The following ULK4 variants were observed in gnomAD, a reference collection of about 807,000 sequenced individuals.
ULK4 encodes unc-51 like kinase 4, also known as inactive serine/threonine-protein kinase ULK4.
In ULK4, 133 loss-of-function variants were observed where a neutral mutation model predicts 160.6. The observed-to-expected ratio is 0.83, with a 90% CI of 0.72 to 0.96. The LOEUF is 0.96. ULK4 is among the 40% of genes least tolerant of loss of function. ULK4 has a pLI of 0.00. For missense variants in ULK4, 1,580 were observed against 1,499.5 expected (o/e 1.05, Z -0.89); for synonymous variants, 534 against 539.8 (o/e 0.99, Z 0.15).
intron 30 of ULK4, among the ~76,000 whole-genome samples, chr3:41,624,349 G>C (rs932837519): frequency 6.6e-6 from 1 of 152,136 alleles, no homozygotes; most frequent in Non-Finnish European, 1.5e-5. Context: ...TAAATGCCAC[G>C]ACTTCTCCAA....
At chr3:41,404,230 T>A (rs2082248359) in intron 34 of ULK4, among the ~76,000 whole-genome samples, 1 of 150,636 alleles carries the variant, frequency 6.6e-6, no homozygotes, top group South Asian at 2.1e-4. Context: ...TCTATCATTT[T>A]TTTTTTTTTT....
chr3:41,703,162 G>C (rs1483629053), intron 27 of ULK4, among the ~76,000 whole-genome samples: 1 of 151,948 alleles, frequency 6.6e-6, no homozygotes, highest in African/African-American at 2.4e-5. Flanking sequence ...CCAACGACAA[G>C]ATGTGAACAA....
intron 35 of ULK4, among the ~76,000 whole-genome samples, chr3:41,314,742 T>C (rs972671533): frequency 3.9e-5 from 6 of 152,110 alleles, no homozygotes; most frequent in Admixed American, 2.6e-4. Context: ...GTTGAAAAAT[T>C]TGGTGATGGT....
intron 30 of ULK4, among the ~76,000 whole-genome samples, chr3:41,655,293 C>T (rs1014421903): frequency 2.7e-5 from 4 of 148,200 alleles, no homozygotes; most frequent in East Asian, 2.0e-4. Context: ...AACCAAACAC[C>T]GCACGTTCTC....
intron 31 of ULK4, among the ~76,000 whole-genome samples, chr3:41,581,625 C>T (rs1223066843): frequency 6.6e-6 from 1 of 152,208 alleles, no homozygotes; most frequent in African/African-American, 2.4e-5. Flanking sequence ...ATATGAACAG[C>T]AGGCTAGGCC....
chr3:41,495,804 C>T (rs4973956), intron 32 of ULK4, among the ~76,000 whole-genome samples: 61,346 of 150,250 alleles, frequency 0.41, 12,709 homozygotes, highest in African/African-American at 0.44. Context: ...AAGACATTTA[C>T]GCAGCCAAAA....
intron 35 of ULK4, among the ~76,000 whole-genome samples, chr3:41,253,377 G>A (rs1370953951): frequency 6.6e-6 from 1 of 151,908 alleles, no homozygotes; most frequent in Non-Finnish European, 1.5e-5. Flanking sequence ...TAAGATGGGG[G>A]AGAGCAAAGG....
At chr3:41,405,555 T>C (rs1447672237) in intron 34 of ULK4, among the ~76,000 whole-genome samples, 1 of 152,172 alleles carries the variant, frequency 6.6e-6, no homozygotes, top group Non-Finnish European at 1.5e-5. Flanking sequence ...CCAAATGGCT[T>C]TCCACAATGG....
chr3:41,900,865 G>A (rs781470700), intron 12 of ULK4, 36 bp from the exon 13 acceptor site: 14 of 1,475,296 alleles, frequency 9.5e-6, no homozygotes, highest in Admixed American at 6.7e-5. Flanking sequence ...TTGTTTCTGC[G>A]ACTAATGTAG....
At chr3:41,477,490 G>T (rs2125892869) in intron 32 of ULK4, among the ~76,000 whole-genome samples, 1 of 152,268 alleles carries the variant, frequency 6.6e-6, no homozygotes, top group Non-Finnish European at 1.5e-5. Context: ...CAAACATGTG[G>T]TCACTTACAC....
intron 35 of ULK4, among the ~76,000 whole-genome samples, chr3:41,289,807 T>TTATGTATG (rs34876578): frequency 1.1e-4 from 16 of 147,884 alleles, no homozygotes; most frequent in Admixed American, 2.7e-4. Flanking sequence ...TTAGGTCAAC[T>TTATGTATG]TATGTATGTA....
chr3:41,494,015 T>C (rs908023091), intron 32 of ULK4, among the ~76,000 whole-genome samples: 2 of 144,954 alleles, frequency 1.4e-5, no homozygotes, highest in African/African-American at 5.1e-5. Context: ...GAGGAACTGG[T>C]ACCATTCCTT....
intron 34 of ULK4, among the ~76,000 whole-genome samples, chr3:41,454,384 GC>G (rs1258341048): frequency 2.7e-5 from 4 of 150,026 alleles, no homozygotes; most frequent in African/African-American, 4.9e-5. Context: ...TATTAAAAAT[GC>G]AAAAATTAGC....
intron 14 of ULK4, 133 bp downstream of exon 14, chr3:41,898,299 G>T: frequency 1.7e-6 from 1 of 588,938 alleles, no homozygotes; most frequent in Non-Finnish European, 3.0e-6. Context: ...GTGTAACACT[G>T]CCCCAAGAAT....
At chr3:41,930,450 C>T (rs149113835) in intron 5 of ULK4, among the ~76,000 whole-genome samples, 2,944 of 152,224 alleles carry the variant, frequency 0.019, 41 homozygotes, top group Middle Eastern at 0.031. Flanking sequence ...ATGACTAAAA[C>T]ACCAAAAGTA....
intron 17 of ULK4, among the ~76,000 whole-genome samples, chr3:41,883,450 T>C (rs1230930908): frequency 1.3e-5 from 2 of 152,230 alleles, no homozygotes; most frequent in East Asian, 3.8e-4. Flanking sequence ...AAGTGTAACA[T>C]ACGTTAACGG....
intron 30 of ULK4, among the ~76,000 whole-genome samples, chr3:41,653,143 C>A (rs1208976661): frequency 6.6e-6 from 1 of 152,164 alleles, no homozygotes; most frequent in Non-Finnish European, 1.5e-5. Flanking sequence ...ACTAACCAAT[C>A]CTTAGCTCAT....
At chr3:41,810,979 G>C (rs1258118580) in intron 19 of ULK4, among the ~76,000 whole-genome samples, 3 of 152,044 alleles carry the variant, frequency 2.0e-5, no homozygotes, top group Admixed American at 2.0e-4. Flanking sequence ...AAACTCCTGG[G>C]CTCAACCAAT....
At chr3:41,447,801 AG>A (rs1226324715) in intron 34 of ULK4, among the ~76,000 whole-genome samples, 1 of 152,118 alleles carries the variant, frequency 6.6e-6, no homozygotes, top group Non-Finnish European at 1.5e-5. Context: ...AATCAAAGAT[AG>A]GGTTTGGGTT....
Sources: gnomAD v4.1 joint callset for allele counts (sites outside exome capture counted in the v4.1 genomes callset) on GRCh38, gnomAD v4.1.1 for gene constraint, MANE v1.5 for transcripts, NCBI Gene and HGNC (gene_info 2026-07-23, HGNC 2026-07-21) for gene names.